Variants in DCDC1 observed in about 807,000 individuals in gnomAD.
The protein encoded by DCDC1 is doublecortin domain containing 1.
In DCDC1, 200 loss-of-function variants were observed where a neutral mutation model predicts 178.3. The ratio of observed to expected loss-of-function variants is 1.12; its 90% CI spans 1.00 to 1.26. DCDC1 has a LOEUF of 1.26. DCDC1 is among the 50% of genes most tolerant of loss of function. DCDC1 has a pLI of 0.00. For missense variants in DCDC1, 1,983 were observed against 1,749.2 expected, an observed-to-expected ratio of 1.13 and a Z score of -2.38; for synonymous variants, 690 against 604.8, an observed-to-expected ratio of 1.14 and a Z score of -2.07.
chr11:31,137,372 T>TA (rs1555079034), intron 10 of DCDC1, among the ~76,000 whole-genome samples: 107 of 143,252 alleles, frequency 7.5e-4, no homozygotes, highest in African/African-American at 2.4e-3. Context: ...TTTTTTTTTT[T>TA]ACGGAGTCTC....
Position 30,914,634 on chromosome 11 carries a change from A to C in DCDC1, c.3653+877T>G, listed in dbSNP as rs1044763702. Among the ~76,000 whole-genome samples the C allele has an allele frequency of 7.8e-3, 150 of 19,124 alleles. 1 individual carries two copies. Among genetic ancestry groups the C allele is most frequent in the African/African-American group, 0.022 (116 of 5,332 alleles). The allele number at this position is 19,124 out of a possible 152,430, so 12.5% of individuals were successfully genotyped here. On this transcript the variant is annotated intron_variant, in intron 27 of 38. Coordinates refer to ENST00000684477, the MANE Select transcript of DCDC1 (RefSeq NM_001387274.1). ...TAAAGAAATGTTCCATATGCACCCA[A>C]AAAAAAAAAAAAAAAAAAAGAGAGA...
chr11:31,072,153 G>C (rs184000648), intron 18 of DCDC1, among the ~76,000 whole-genome samples: 1 of 152,078 alleles, frequency 6.6e-6, no homozygotes, highest in Admixed American at 6.6e-5. Flanking sequence ...AATGTTAAAG[G>C]GAAGAAAATA....
intron 38 of DCDC1, among the ~76,000 whole-genome samples, chr11:30,874,240 C>T (rs1221364457): frequency 6.6e-6 from 1 of 152,146 alleles, no homozygotes. Flanking sequence ...CGTGCTTCTT[C>T]CCAGGTGCTT....
chr11:31,144,757 T>A (rs1184532380), intron 9 of DCDC1, among the ~76,000 whole-genome samples: 2 of 152,146 alleles, frequency 1.3e-5, no homozygotes, highest in African/African-American at 2.4e-5. Flanking sequence ...TTGGTTTTTA[T>A]CTTTTTATGA....
intron 9 of DCDC1, among the ~76,000 whole-genome samples, chr11:31,231,971 T>C (rs1975824518): frequency 6.6e-6 from 1 of 152,222 alleles, no homozygotes; most frequent in Non-Finnish European, 1.5e-5. Flanking sequence ...CCAAACTCAA[T>C]GACTTGCTTT....
intron 6 of DCDC1, among the ~76,000 whole-genome samples, chr11:31,291,116 C>G (rs1264432448): frequency 6.6e-6 from 1 of 151,978 alleles, no homozygotes; most frequent in Non-Finnish European, 1.5e-5. Flanking sequence ...CAATTTAGTC[C>G]TAATTAAAAT....
chr11:30,926,411 G>A (rs1486673033), intron 22 of DCDC1, among the ~76,000 whole-genome samples: 1 of 152,170 alleles, frequency 6.6e-6, no homozygotes, highest in African/African-American at 2.4e-5. Flanking sequence ...GATATGTGGT[G>A]TTATCAGGTC....
intron 34 of DCDC1, among the ~76,000 whole-genome samples, chr11:30,894,761 A>G (rs1944069185): frequency 6.6e-6 from 1 of 152,138 alleles, no homozygotes. Context: ...TGTTCTCTTT[A>G]CTAATAATAA....
intron 11 of DCDC1, among the ~76,000 whole-genome samples, chr11:31,122,114 G>A (rs1256045482): frequency 6.6e-6 from 1 of 152,044 alleles, no homozygotes; most frequent in Non-Finnish European, 1.5e-5. Context: ...TAGAGGGTTA[G>A]CTAGGTAACT....
At chr11:31,117,078 T>C (rs1190024539) in intron 11 of DCDC1, among the ~76,000 whole-genome samples, 1 of 152,104 alleles carries the variant, frequency 6.6e-6, no homozygotes, top group Non-Finnish European at 1.5e-5. Context: ...ATACTTGAAA[T>C]TTCAGTTAGA....
intron 16 of DCDC1, among the ~76,000 whole-genome samples, chr11:31,091,930 T>C (rs1228255795): frequency 6.6e-6 from 1 of 152,138 alleles, no homozygotes; most frequent in Non-Finnish European, 1.5e-5. Context: ...CAATTTAAAG[T>C]TTTACTCTGG....
intron 6 of DCDC1, among the ~76,000 whole-genome samples, chr11:31,302,591 T>A (rs1323257732): frequency 1.3e-5 from 2 of 152,190 alleles, no homozygotes; most frequent in Non-Finnish European, 1.5e-5. Context: ...TATTCAACTT[T>A]AAAATGTAAG....
chr11:31,277,925 A>G (rs1946111122), intron 7 of DCDC1, among the ~76,000 whole-genome samples: 1 of 152,138 alleles, frequency 6.6e-6, no homozygotes, highest in Non-Finnish European at 1.5e-5. Context: ...CAGACAAAGT[A>G]TAATCATTTT....
chr11:31,228,016 T>C (rs1975237390), intron 9 of DCDC1, among the ~76,000 whole-genome samples: 1 of 152,018 alleles, frequency 6.6e-6, no homozygotes, highest in Admixed American at 6.6e-5. Context: ...TAGAAAACAT[T>C]GTTAGAACTG....
rs564751458 is a variant in DCDC1, at chr11:31,203,095, C to T, written c.1221+38355G>A. On this transcript the variant is annotated intron_variant, in intron 9 of 38. Transcript: ENST00000684477. ...GGAAAAATAACCAAAATTTTCACTT[C>T]GATGAGACTGCAAACCAAAATGCCA... Among the ~76,000 whole-genome samples, 16 of 151,680 alleles carry T rather than the reference C, an allele frequency of 1.1e-4. 1 individual carries two copies. In the South Asian group the frequency reaches 1.9e-3, roughly 18 times the overall value.
At chr11:31,228,751 T>C (rs192239870) in intron 9 of DCDC1, among the ~76,000 whole-genome samples, 19 of 152,194 alleles carry the variant, frequency 1.2e-4, no homozygotes, top group Admixed American at 5.2e-4. Context: ...ATAATAAATA[T>C]TATAAACATC....
intron 36 of DCDC1, among the ~76,000 whole-genome samples, chr11:30,886,567 G>A (rs79323432): frequency 6.6e-6 from 1 of 152,096 alleles, no homozygotes; most frequent in Admixed American, 6.5e-5. Context: ...ATATGGCAGA[G>A]AGAAAGAGGT....
At chr11:31,213,256 CAGGG>C (rs1973031368) in intron 9 of DCDC1, among the ~76,000 whole-genome samples, 1 of 150,864 alleles carries the variant, frequency 6.6e-6, no homozygotes, top group Non-Finnish European at 1.5e-5. Flanking sequence ...ATTTTCTATT[CAGGG>C]TCTATTTTCG....
intron 20 of DCDC1, among the ~76,000 whole-genome samples, chr11:31,049,012 C>T (rs533027442): frequency 6.6e-6 from 1 of 152,322 alleles, no homozygotes; most frequent in South Asian, 2.1e-4. Flanking sequence ...TCATAAGAGA[C>T]TGATATTTGG....
Sources: allele counts gnomAD v4.1 joint callset (sites outside exome capture counted in the v4.1 genomes callset), GRCh38; gene constraint gnomAD v4.1.1; transcripts MANE v1.5; gene names NCBI Gene and HGNC (gene_info 2026-07-23, HGNC 2026-07-21).